Variants in DIAPH2 observed in about 807,000 individuals in gnomAD.
DIAPH2 encodes diaphanous related formin 2.
DIAPH2 carries 35 observed loss-of-function variants against 92.7 expected under a neutral mutation model. The ratio of observed to expected loss-of-function variants is 0.38; its 90% CI spans 0.29 to 0.50. DIAPH2 has a LOEUF of 0.50. Among genes scored for constraint, DIAPH2 ranks in the 20% least tolerant of loss-of-function variants. The probability of loss-of-function intolerance (pLI) is 0.94; values close to 1 mark genes in which losing one functional copy is unlikely to be tolerated. For synonymous variants in DIAPH2, 301 were observed against 280.4 expected (o/e 1.07, Z -0.73); for missense variants, 701 against 819.5 (o/e 0.86, Z 1.77).
intron 2 of DIAPH2, among the ~76,000 whole-genome samples, chrX:96,736,006 T>C (rs2064085397): frequency 8.9e-6 from 1 of 112,205 alleles, no homozygotes; most frequent in Non-Finnish European, 1.9e-5. Context: ...ATCATCCTAA[T>C]ATTTACCTTA....
In DIAPH2 at chrX:97,052,366, CAT is replaced by C. The variant is rs772069120; in HGVS notation, c.2051-20574_2051-20573del. ...TTCCCAGGCAATAGTAGGTATATAA[CAT>C]GTGGGTAGACTACAAGGTTCGTGTT... On this transcript the variant is annotated intron_variant, in intron 17 of 26. Transcript: ENST00000324765. Among the ~76,000 whole-genome samples, 195 of 111,081 alleles carry C rather than the reference CAT, an allele frequency of 1.8e-3. 1 individual carries two copies. The highest frequency in any genetic ancestry group is 4.9e-3 in the African/African-American group (150 of 30,626).
At chrX:97,417,686 A>G (rs1017373040) in intron 25 of DIAPH2, among the ~76,000 whole-genome samples, 1 of 110,824 alleles carries the variant, frequency 9.0e-6, no homozygotes, top group East Asian at 2.8e-4. Flanking sequence ...AAAAAATAAT[A>G]AATAAAAATA....
In DIAPH2 at chrX:97,073,725, T is replaced by G. The variant is rs554702527; in HGVS notation, c.2152+683T>G. Among the ~76,000 whole-genome samples the G allele has an allele frequency of 8.7e-4, 98 of 112,430 alleles. 1 individual carries two copies. In the South Asian group the frequency reaches 0.01, roughly 12 times the overall value. ...GAGATTTCCACACATCAAGCATGTC[T>G]AATTGCACAAAGTAATACCATGGGA... On this transcript the variant is annotated intron_variant, in intron 18 of 26. Transcript: ENST00000324765.
chrX:96,905,681 A>G (rs936291141), intron 5 of DIAPH2, among the ~76,000 whole-genome samples: 1 of 111,948 alleles, frequency 8.9e-6, no homozygotes, highest in African/African-American at 3.2e-5. Flanking sequence ...TAAAACTTCA[A>G]TATATTTTTG....
intron 23 of DIAPH2, among the ~76,000 whole-genome samples, chrX:97,301,674 G>A (rs2068706934): frequency 9.0e-6 from 1 of 111,658 alleles, no homozygotes; most frequent in Non-Finnish European, 1.9e-5. Context: ...AGGATTCAGT[G>A]TATTTTCTGA....
intron 24 of DIAPH2, among the ~76,000 whole-genome samples, chrX:97,376,329 A>G (rs1241625133): frequency 8.9e-6 from 1 of 112,142 alleles, no homozygotes; most frequent in African/African-American, 3.2e-5. Context: ...TTTTACCTCT[A>G]TCTTTTTTCT....
intron 22 of DIAPH2, among the ~76,000 whole-genome samples, chrX:97,185,024 A>G (rs773557493): frequency 9.3e-6 from 1 of 107,774 alleles, no homozygotes; most frequent in East Asian, 2.9e-4. Context: ...CACGCATGTA[A>G]TCCCAGCACT....
intron 17 of DIAPH2, among the ~76,000 whole-genome samples, chrX:97,070,060 A>G (rs1483854624): frequency 8.9e-6 from 1 of 111,768 alleles, no homozygotes; most frequent in East Asian, 2.8e-4. Flanking sequence ...TATCTTTAAT[A>G]ATAATATAAA....
At chrX:97,359,340 A>G (rs2069299550) in intron 24 of DIAPH2, among the ~76,000 whole-genome samples, 1 of 111,052 alleles carries the variant, frequency 9.0e-6, no homozygotes, top group South Asian at 3.8e-4. Context: ...TAATCATTGC[A>G]AATTGTTAAT....
In DIAPH2 at chrX:97,064,433, T is replaced by A. The variant is rs185933859; in HGVS notation, c.2051-8508T>A. ...CTGAGCCCTTGGATTCCTGACATAA[T>A]CTCCAACCCTCTCACTCCAGTTCTT... On this transcript the variant is annotated intron_variant, in intron 17 of 26. Transcript: ENST00000324765. 1.7e-3 allele frequency among the ~76,000 whole-genome samples: 184 copies of A among 110,528 alleles called. 1 individual carries two copies. Among genetic ancestry groups the A allele is most frequent in the African/African-American group, 5.3e-3 (162 of 30,324 alleles).
In DIAPH2 at chrX:97,072,979, G is replaced by T. The variant is rs1242890165; in HGVS notation, c.2089G>T (p.Gly697Trp). The T allele has an allele frequency of 8.3e-7, 1 of 1,202,990 alleles. No individual in the cohort carries two copies. Among genetic ancestry groups the T allele is most frequent in the Non-Finnish European group, 1.1e-6 (1 of 892,412 alleles). Residue 697 changes from glycine (G) to tryptophan (W), a missense_variant, in exon 18 of 27, where the codon GGG (glycine) becomes TGG (tryptophan). Gly to Trp is a radical substitution (Grantham distance 184). This residue lies in a region of DIAPH2 where 536 missense variants were observed against 599.3 expected (regional missense o/e 0.89). Transcript: ENST00000324765. ...NAEALEEKKT[G>W]PTKKKVKELR... ...AGAAGCATTAGAAGAAAAGAAGACT[G>T]GGCCTACAAAGAAGAAAGTGAAAGA...
intron 21 of DIAPH2, among the ~76,000 whole-genome samples, chrX:97,119,012 T>C (rs2067035760): frequency 8.9e-6 from 1 of 111,856 alleles, no homozygotes; most frequent in African/African-American, 3.3e-5. Flanking sequence ...GGTGCCTCCC[T>C]GATTAGCGTA....
Position 96,728,269 on chromosome X carries a change from G to T in DIAPH2, c.133-7489G>T, listed in dbSNP as rs140934313. On this transcript the variant is annotated intron_variant, in intron 1 of 26. Coordinates refer to ENST00000324765, the MANE Select transcript of DIAPH2 (RefSeq NM_006729.5). ...CTCTCGCCCAGGCTGGAATGTAATG[G>T]CATGATCTCGGTTCACTGCAACCTC... 7.9e-3 allele frequency among the ~76,000 whole-genome samples: 864 copies of T among 108,829 alleles called. 7 individuals are homozygous for T. Among genetic ancestry groups the T allele is most frequent in the African/African-American group, 0.028 (831 of 29,919 alleles). The allele number at this position is 108,829 out of a possible 115,157, so 94.5% of individuals were successfully genotyped here.
At chrX:97,281,513 G>A (rs754672518) in intron 23 of DIAPH2, among the ~76,000 whole-genome samples, 80 of 111,208 alleles carry the variant, frequency 7.2e-4, no homozygotes, top group African/African-American at 2.3e-3. Context: ...GGGAGGCCGA[G>A]GTGGGTGGAT....
In DIAPH2 at chrX:97,600,129, A is replaced by ATGTT. The variant is rs1224056982; in HGVS notation, c.*814_*817dup. On this transcript the variant is annotated 3_prime_UTR_variant, in exon 27 of 27. Transcript: ENST00000324765. Reference sequence around the variant, plus strand: ...TTTTTGAGAAAACCCTCACATTTTAATGTTTATGCTAGGGATGAACCTGAA... The same window carrying ATGTT: ...TTTTTGAGAAAACCCTCACATTTTAATGTTTGTTTATGCTAGGGATGAACCTGAA... The ATGTT allele has an allele frequency of 7.1e-5, 8 of 112,286 alleles. No individual in the cohort carries two copies. In the South Asian group the frequency reaches 1.5e-3, roughly 20 times the overall value. 9.3% of individuals were successfully genotyped at this position (112,286 alleles called of 1,213,427 possible).
At chrX:97,472,292 G>C (rs1182476557) in intron 26 of DIAPH2, among the ~76,000 whole-genome samples, 5 of 112,140 alleles carry the variant, frequency 4.5e-5, no homozygotes, top group African/African-American at 6.5e-5. Flanking sequence ...ACACTTTCAG[G>C]CTTTTCCATA....
At chrX:97,397,690 C>T (rs1345227051) in intron 25 of DIAPH2, among the ~76,000 whole-genome samples, 2 of 111,496 alleles carry the variant, frequency 1.8e-5, no homozygotes, top group Non-Finnish European at 3.8e-5. Flanking sequence ...TAATGTAATC[C>T]CTACCCCAAT....
intron 25 of DIAPH2, among the ~76,000 whole-genome samples, chrX:97,424,940 G>C (rs760645954): frequency 9.0e-6 from 1 of 111,423 alleles, no homozygotes; most frequent in Non-Finnish European, 1.9e-5. Flanking sequence ...TCAACTTTTT[G>C]TCATATTTGT....
chrX:96,954,979 C>T (rs1038950132), intron 15 of DIAPH2, among the ~76,000 whole-genome samples: 2 of 112,810 alleles, frequency 1.8e-5, no homozygotes, highest in African/African-American at 3.2e-5. Flanking sequence ...AAGCCATACA[C>T]TGTACTTCTT....
Sources: allele counts gnomAD v4.1 joint callset (sites outside exome capture counted in the v4.1 genomes callset), GRCh38; gene constraint gnomAD v4.1.1; regional missense constraint gnomAD v4.1.1; transcripts MANE v1.5; gene names NCBI Gene and HGNC (gene_info 2026-07-23, HGNC 2026-07-21).